Variants in L1CAM observed in about 807,000 individuals in gnomAD.
L1CAM encodes neural cell adhesion molecule L1.
In L1CAM, 8 loss-of-function variants were observed where a neutral mutation model predicts 93.0. The observed-to-expected ratio is 0.09, with a 90% CI of 0.05 to 0.16. The LOEUF is 0.16. Among genes scored for constraint, L1CAM ranks in the 10% least tolerant of loss-of-function variants. The probability of loss-of-function intolerance (pLI) is 1.00; values close to 1 mark genes in which losing one functional copy is unlikely to be tolerated. For synonymous variants in L1CAM, 453 were observed against 453.0 expected, an observed-to-expected ratio of 1.00 and a Z score of 0.00; for missense variants, 777 against 1,073.4, an observed-to-expected ratio of 0.72 and a Z score of 3.86.
At position 153,876,367 on chromosome X, in the gene L1CAM, G is replaced by A. The variant is rs143721759; in HGVS notation, c.-108-423C>T. 1,789 of 186,486 alleles carry A rather than the reference G, an allele frequency of 9.6e-3. 18 individuals carry two copies. The highest frequency in any genetic ancestry group is 0.028 in the South Asian group (267 of 9,631). The allele number at this position is 186,486 out of a possible 1,213,427, so 15.4% of individuals were successfully genotyped here. A position where few individuals can be genotyped will look rare whatever the true frequency, so the allele number is the denominator to read the frequency against. On this transcript the variant is annotated intron_variant, in intron 1 of 28. Coordinates refer to ENST00000370060, the MANE Select transcript of L1CAM (RefSeq NM_001278116.2). ...ATGTGAGCTGGTATTTCTGTGGTGTGTCTTCTCTGGGAGGGGTTGCACTCA... is the reference window on the plus strand; with the variant it reads ...ATGTGAGCTGGTATTTCTGTGGTGTATCTTCTCTGGGAGGGGTTGCACTCA...
intron 5 of L1CAM, 98 bp downstream of exon 5, chrX:153,872,054 C>T (rs112475628): frequency 4.2e-6 from 3 of 718,197 alleles, no homozygotes; most frequent in Non-Finnish European, 6.4e-6. Flanking sequence ...GACACCCAGG[C>T]CCCTCGCCAC....
chrX:153,863,462 C>G lies in L1CAM; in HGVS notation c.3530+15G>C, dbSNP rs200051132. The stretch of plus-strand genomic sequence containing the variant: ...GTGGAGCTGAGTGCCAGCACCCACT[C>G]CTGCCCCGGCTCACCTGTACTCGCC... On this transcript the variant is annotated intron_variant, in intron 27 of 28. Coordinates refer to ENST00000370060, the MANE Select transcript of L1CAM (RefSeq NM_001278116.2). 30 of 1,210,709 alleles carry G rather than the reference C, an allele frequency of 2.5e-5. No individual in the cohort carries two copies. In the South Asian group the frequency reaches 5.1e-4, roughly 21 times the overall value.
chrX:153,881,437 G>A, intron 1 of L1CAM, among the ~76,000 whole-genome samples: 1 of 111,809 alleles, frequency 8.9e-6, no homozygotes, highest in Non-Finnish European at 1.9e-5. Flanking sequence ...CTGCCCCGTG[G>A]GGAGGGCTTA....
chrX:153,871,222 T>C, intron 5 of L1CAM, 43 bp from the exon 6 acceptor site: 1 of 899,646 alleles, frequency 1.1e-6, no homozygotes. Flanking sequence ...CTGGTCCAGA[T>C]GGTGCTAGGC....
At position 153,865,851 on chromosome X, in the gene L1CAM, T is replaced by C. The variant is rs2064708529; in HGVS notation, c.2432-32A>G. 3 of 1,017,148 alleles carry C rather than the reference T, an allele frequency of 2.9e-6. No individual in the cohort carries two copies. The South Asian group carries it at 5.7e-5, about 19-fold the overall frequency. The allele number at this position is 1,017,148 out of a possible 1,213,427, so 83.8% of individuals were successfully genotyped here. On this transcript the variant is annotated intron_variant, in intron 19 of 28. Coordinates refer to ENST00000370060, the MANE Select transcript of L1CAM (RefSeq NM_001278116.2). ...ACCACCAGTGACTTGGATAGAGCCA[T>C]AGGCTCTCACCCCAGCCCTGAGGCC...
chrX:153,868,808 CGACACTCACCACTACCAGGACGA>C lies in L1CAM; in HGVS notation c.1379+10_1379+32del, dbSNP rs782029712. ...CCCTGGCTCCCTGGCCACTGGGACA[CGACACTCACCACTACCAGGACGA>C]GACACTCACCACTGAACACTGGGCA... is the stretch of plus-strand genomic sequence containing the variant. On this transcript the variant is annotated intron_variant, in intron 12 of 28. Transcript: ENST00000370060. The C allele has an allele frequency of 8.3e-6, 10 of 1,199,584 alleles. No homozygotes were observed. The South Asian group carries it at 1.6e-4, about 19-fold the overall frequency.
chrX:153,871,779 C>T (rs781800306), intron 5 of L1CAM, among the ~76,000 whole-genome samples: 207 of 110,754 alleles, frequency 1.9e-3, no homozygotes, highest in African/African-American at 6.3e-3. Flanking sequence ...AGGGGCCCTG[C>T]TAAGGAGTGC....
intron 26 of L1CAM, 97 bp downstream of exon 26, chrX:153,863,786 C>G (rs2064685514): frequency 1.8e-6 from 2 of 1,119,461 alleles, no homozygotes; most frequent in African/African-American, 1.8e-5. Context: ...TTGTGGGGAG[C>G]TCGGGGAATC....
At chrX:153,885,249 C>A in intron 1 of L1CAM, 1 of 396,029 alleles carries the variant, frequency 2.5e-6, no homozygotes, top group Non-Finnish European at 4.4e-6. Context: ...CCAGTGAGGC[C>A]CACCTTCCCT....
chrX:153,869,403 C>T (rs2064745926), intron 11 of L1CAM, 117 bp downstream of exon 11: 4 of 861,940 alleles, frequency 4.6e-6, no homozygotes, highest in Non-Finnish European at 5.1e-6. Context: ...GAAAGGTCGG[C>T]GCCAGCCTGG....
intron 1 of L1CAM, chrX:153,876,176 T>C (rs782807995): frequency 2.3e-6 from 1 of 427,311 alleles, no homozygotes; most frequent in East Asian, 3.8e-5. Context: ...TTTTATTCCC[T>C]CTCTACTCTC....
intron 19 of L1CAM, among the ~76,000 whole-genome samples, chrX:153,866,328 GAAAGA>G (rs1245786285): frequency 2.7e-4 from 26 of 95,494 alleles, no homozygotes; most frequent in African/African-American, 5.5e-4. Flanking sequence ...AAAAAAAAAA[GAAAGA>G]AAAGAAAAGA....
chrX:153,885,949 C>T, intron 1 of L1CAM, 116 bp downstream of exon 1: 2 of 721,635 alleles, frequency 2.8e-6, no homozygotes, highest in African/African-American at 5.1e-5. Flanking sequence ...CGCCGGTTAC[C>T]GCGGGCCGGA....
At chrX:153,864,506 G>A (rs1328615490) in intron 24 of L1CAM, 29 bp from the exon 25 acceptor site, 7 of 1,207,811 alleles carry the variant, frequency 5.8e-6, no homozygotes, top group Non-Finnish European at 7.8e-6. Flanking sequence ...GGCAGCAGGG[G>A]TGAGTCGGAG....
intron 1 of L1CAM, chrX:153,880,366 C>T: frequency 5.1e-6 from 1 of 194,710 alleles, no homozygotes; most frequent in South Asian, 6.4e-5. Flanking sequence ...TGGAGTTCCT[C>T]TCAAAGGAGA....
chrX:153,867,978 G>A lies in L1CAM; in HGVS notation c.1828+20C>T. ...TGAGCCCCGGCCTTCTGGAGTGGAGGCTTCCACCCTAGGACTTACCCACCA... is the reference window on the plus strand; with the variant it reads ...TGAGCCCCGGCCTTCTGGAGTGGAGACTTCCACCCTAGGACTTACCCACCA... On this transcript the variant is annotated intron_variant, in intron 15 of 28. Transcript: ENST00000370060. 1 of 1,210,708 alleles carries A rather than the reference G, an allele frequency of 8.3e-7. No individual in the cohort carries two copies. The highest frequency in any genetic ancestry group is 1.1e-6 in the Non-Finnish European group (1 of 895,174).
intron 1 of L1CAM, 55 bp from the exon 2 acceptor site, chrX:153,875,999 A>T: frequency 2.0e-6 from 1 of 504,101 alleles, no homozygotes; most frequent in Non-Finnish European, 3.5e-6. Flanking sequence ...GAGAGAACGG[A>T]AGGACGTTAG....
Position 153,872,198 on chromosome X carries a change from A to G in L1CAM, c.354T>C (p.Asn118=). The G allele has an allele frequency of 8.3e-7, 1 of 1,209,652 alleles. No homozygotes were observed. The highest frequency in any genetic ancestry group is 1.1e-6 in the Non-Finnish European group (1 of 894,569). ...CATGGGACATGGCGGTGCCCAGCTT[A>G]TTGCTGGCAAAGCAGCGGTAGATGC... ...FQGIYRCFAS[N]KLGTAMSHEI... is the part of the protein sequence containing the mutation. The change falls in exon 5 of 29, where the codon AAT becomes AAC. Residue 118 remains asparagine, a synonymous_variant. Coordinates refer to ENST00000370060, the MANE Select transcript of L1CAM (RefSeq NM_001278116.2).
chrX:153,867,663 C>G (rs1031315272), intron 16 of L1CAM, 110 bp from the exon 17 acceptor site: 16 of 956,920 alleles, frequency 1.7e-5, no homozygotes, highest in Non-Finnish European at 2.4e-5. Context: ...CAACTGGCAT[C>G]TCCAGATTCC....
Sources: gnomAD v4.1 joint callset for allele counts (sites outside exome capture counted in the v4.1 genomes callset) on GRCh38, gnomAD v4.1.1 for gene constraint, MANE v1.5 for transcripts, NCBI Gene and HGNC (gene_info 2026-07-23, HGNC 2026-07-21) for gene names.